The following PPM1L variants were observed in gnomAD, a reference collection of about 807,000 sequenced individuals.
The protein encoded by PPM1L is protein phosphatase, Mg2+/Mn2+ dependent 1L.
Under a neutral mutation model 31.4 loss-of-function variants are expected in PPM1L, and 13 were observed. The observed-to-expected ratio is 0.41, with a 90% confidence interval of 0.27 to 0.66. The LOEUF is 0.66. Among genes scored for constraint, PPM1L ranks in the 30% least tolerant of loss-of-function variants. The pLI is 0.29. For missense variants in PPM1L, 326 were observed against 453.7 expected (o/e 0.72, Z 2.56); for synonymous variants, 184 against 175.4 (o/e 1.05, Z -0.39).
At chr3:160,769,802 T>A (rs573897790) in intron 1 of PPM1L, among the ~76,000 whole-genome samples, 1 of 152,302 alleles carries the variant, frequency 6.6e-6, no homozygotes, top group East Asian at 1.9e-4. Flanking sequence ...TTGTAAGTGT[T>A]ATTTTGTTTT....
intron 1 of PPM1L, among the ~76,000 whole-genome samples, chr3:160,935,319 C>T (rs538620903): frequency 2.4e-4 from 37 of 152,166 alleles, no homozygotes; most frequent in Non-Finnish European, 4.4e-4. Context: ...TTATCTCCAC[C>T]CTAACTTAAT....
At chr3:160,765,127 T>G (rs1715073605) in intron 1 of PPM1L, among the ~76,000 whole-genome samples, 1 of 152,196 alleles carries the variant, frequency 6.6e-6, no homozygotes, top group South Asian at 2.1e-4. Context: ...CTGATAAGAG[T>G]TTATGAGGTA....
Position 161,063,603 on chromosome 3 carries a change from C to G in PPM1L, c.575-1800C>G, listed in dbSNP as rs570527812. On this transcript the variant is annotated intron_variant, in intron 2 of 3. Transcript: ENST00000498165. ...AAATTAGTTCAACCATTGTGGAAGA[C>G]AGTGTGGCAATTCCTCAAGGATCTA... Among the ~76,000 whole-genome samples, 301 of 152,122 alleles carry G rather than the reference C, an allele frequency of 2.0e-3. 2 individuals are homozygous for G. The highest frequency in any genetic ancestry group is 0.01 in the Middle Eastern group (3 of 294).
At chr3:161,066,501 T>G (rs1358126869) in intron 3 of PPM1L, among the ~76,000 whole-genome samples, 1 of 152,190 alleles carries the variant, frequency 6.6e-6, no homozygotes, top group Non-Finnish European at 1.5e-5. Flanking sequence ...TAGTGTGGCC[T>G]GTGTGGGCCT....
At chr3:160,855,798 T>C (rs1711681850) in intron 1 of PPM1L, among the ~76,000 whole-genome samples, 1 of 152,086 alleles carries the variant, frequency 6.6e-6, no homozygotes, top group Non-Finnish European at 1.5e-5. Context: ...GGAAAACAAT[T>C]TGGTGATTTC....
At chr3:160,842,010 C>T (rs1713896170) in intron 1 of PPM1L, among the ~76,000 whole-genome samples, 1 of 152,052 alleles carries the variant, frequency 6.6e-6, no homozygotes, top group Non-Finnish European at 1.5e-5. Context: ...GAGGTCCTTA[C>T]CCTCAGGTAA....
intron 1 of PPM1L, among the ~76,000 whole-genome samples, chr3:160,943,962 C>G (rs1250429322): frequency 6.6e-6 from 1 of 152,122 alleles, no homozygotes; most frequent in Non-Finnish European, 1.5e-5. Context: ...TTGTAGATGG[C>G]AAAGTTTATA....
intron 1 of PPM1L, among the ~76,000 whole-genome samples, chr3:160,770,527 TGTAATG>T (rs1553804481): frequency 6.6e-6 from 1 of 152,164 alleles, no homozygotes; most frequent in Non-Finnish European, 1.5e-5. Flanking sequence ...CTTATATAGA[TGTAATG>T]GTAAAAACCA....
chr3:161,025,061 C>T (rs1327135488), intron 2 of PPM1L, among the ~76,000 whole-genome samples: 1 of 152,022 alleles, frequency 6.6e-6, no homozygotes, highest in African/African-American at 2.4e-5. Context: ...CAATTTTTTC[C>T]AGTGTTCTCA....
Position 160,857,629 on chromosome 3 carries a change from G to A in PPM1L, c.399+100922G>A, listed in dbSNP as rs1181610806. 4.6e-5 allele frequency among the ~76,000 whole-genome samples: 7 copies of A among 152,024 alleles called. No homozygotes were observed. The East Asian group carries it at 7.7e-4, about 17-fold the overall frequency. ...TTGTTTATTCATTCTTTCATTTTGA[G>A]TATCTATTCTATATTAGTCTTGTGA... is the stretch of plus-strand genomic sequence containing the variant. On this transcript the variant is annotated intron_variant, in intron 1 of 3. Transcript: ENST00000498165.
rs569885435 is a variant in PPM1L, at chr3:160,972,600, C to T, written c.574+10690C>T. Among the ~76,000 whole-genome samples the T allele has an allele frequency of 1.9e-3, 286 of 152,148 alleles. 1 individual carries two copies. The highest frequency in any genetic ancestry group is 6.5e-3 in the African/African-American group (270 of 41,476). Reference sequence around the variant, plus strand: ...ACATTTTCTTAATCCAGTCTATCATCATTGGACATTTGGGTTGGTTCAAAG... The same window carrying T: ...ACATTTTCTTAATCCAGTCTATCATTATTGGACATTTGGGTTGGTTCAAAG... On this transcript the variant is annotated intron_variant, in intron 2 of 3. Coordinates refer to ENST00000498165, the MANE Select transcript of PPM1L (RefSeq NM_139245.4).
At chr3:160,808,403 G>GTGTGCGCGCGCGCA (rs1712697704) in intron 1 of PPM1L, among the ~76,000 whole-genome samples, 1 of 149,304 alleles carries the variant, frequency 6.7e-6, no homozygotes, top group African/African-American at 2.5e-5. Flanking sequence ...GTGTGTGTGT[G>GTGTGCGCGCGCGCA]TGTGTGTGTG....
Position 161,047,920 on chromosome 3 carries a change from T to G in PPM1L, c.575-17483T>G, listed in dbSNP as rs1275205585. On this transcript the variant is annotated intron_variant, in intron 2 of 3. Coordinates refer to ENST00000498165, the MANE Select transcript of PPM1L (RefSeq NM_139245.4). ...TGAAACTGGATCCCTCCCTTACACC[T>G]TATACAAAAATTAATTCAAGATGGA... is the stretch of plus-strand genomic sequence containing the variant. Among the ~76,000 whole-genome samples, 3 of 152,202 alleles carry G rather than the reference T, an allele frequency of 2.0e-5. No homozygotes were observed. In the East Asian group the frequency reaches 5.8e-4, roughly 29 times the overall value.
intron 1 of PPM1L, among the ~76,000 whole-genome samples, chr3:160,841,187 A>C (rs6774153): frequency 0.033 from 4,958 of 151,504 alleles, 241 homozygotes; most frequent in African/African-American, 0.11. Context: ...TTTTTTATCT[A>C]TATATATTTT....
intron 1 of PPM1L, among the ~76,000 whole-genome samples, chr3:160,857,447 T>G (rs1305621192): frequency 6.6e-6 from 1 of 152,228 alleles, no homozygotes; most frequent in East Asian, 1.9e-4. Context: ...ACTTTGTGAC[T>G]AGGAGCTGTA....
intron 2 of PPM1L, among the ~76,000 whole-genome samples, chr3:161,012,966 C>T (rs1717946742): frequency 6.6e-6 from 1 of 152,094 alleles, no homozygotes; most frequent in Non-Finnish European, 1.5e-5. Flanking sequence ...TTCAAAAAAC[C>T]AGCTCCTGGA....
At chr3:160,988,952 G>C (rs909773749) in intron 2 of PPM1L, among the ~76,000 whole-genome samples, 1 of 152,098 alleles carries the variant, frequency 6.6e-6, no homozygotes, top group Admixed American at 6.6e-5. Context: ...AGAGGGGAAG[G>C]CATCAATCTT....
chr3:160,955,006 T>C lies in PPM1L; in HGVS notation c.400-6730T>C, dbSNP rs1715723470. ...TTTCCTTTCCCTCCCTCCCTCTCTC[T>C]TTCTTTCTCTCTTTCTTCTTTTTTT... On this transcript the variant is annotated intron_variant, in intron 1 of 3. Transcript: ENST00000498165. 2.0e-5 allele frequency among the ~76,000 whole-genome samples: 3 copies of C among 147,532 alleles called. No individual in the cohort carries two copies. The Admixed American group carries it at 2.1e-4, about 10-fold the overall frequency.
chr3:160,774,276 A>G (rs899710031), intron 1 of PPM1L, among the ~76,000 whole-genome samples: 2 of 151,736 alleles, frequency 1.3e-5, no homozygotes, highest in Non-Finnish European at 2.9e-5. Flanking sequence ...AATTTCTGTA[A>G]TGCCTGTCAC....
Sources: allele counts gnomAD v4.1 joint callset (sites outside exome capture counted in the v4.1 genomes callset), GRCh38; gene constraint gnomAD v4.1.1; transcripts MANE v1.5; gene names NCBI Gene and HGNC (gene_info 2026-07-23, HGNC 2026-07-21).